Variants in PRKCB observed in about 807,000 individuals in gnomAD.
PRKCB encodes the protein protein kinase C beta, also known as protein kinase C beta type.
PRKCB carries 13 observed loss-of-function variants against 81.5 expected under a neutral mutation model. That is an observed-to-expected ratio of 0.16 (90% CI 0.10 to 0.25). PRKCB has a LOEUF of 0.25. Ranked by LOEUF, PRKCB falls within the 10% of genes least tolerant of loss-of-function variation. PRKCB has a pLI of 1.00. For synonymous variants in PRKCB, 335 were observed against 321.4 expected (o/e 1.04, Z -0.45); for missense variants, 509 against 875.7 (o/e 0.58, Z 5.29).
At chr16:24,069,942 C>T (rs1458041062) in intron 5 of PRKCB, among the ~76,000 whole-genome samples, 1 of 152,158 alleles carries the variant, frequency 6.6e-6, no homozygotes, top group East Asian at 1.9e-4. Flanking sequence ...TTCCTTCCTT[C>T]CTTCAGTGTG....
intron 2 of PRKCB, among the ~76,000 whole-genome samples, chr16:23,875,569 A>T (rs1325794250): frequency 1.5e-4 from 1 of 6,646 alleles, no homozygotes; most frequent in Non-Finnish European, 2.7e-4. Flanking sequence ...ACACATGTGT[A>T]TATCAAACAC....
chr16:23,904,814 C>A (rs1963531665), intron 2 of PRKCB, among the ~76,000 whole-genome samples: 1 of 152,104 alleles, frequency 6.6e-6, no homozygotes, highest in African/African-American at 2.4e-5. Flanking sequence ...ATAAAAGGCA[C>A]TTTTCCTCTT....
chr16:24,114,379 A>G (rs1388017507), intron 8 of PRKCB, among the ~76,000 whole-genome samples: 1 of 151,802 alleles, frequency 6.6e-6, no homozygotes, highest in African/African-American at 2.4e-5. Flanking sequence ...ATGATGCTAT[A>G]TAGTTAACGA....
chr16:23,952,154 C>CCTGCAGAGATGGGGTCTG (rs1165751998), intron 2 of PRKCB, among the ~76,000 whole-genome samples: 1 of 152,110 alleles, frequency 6.6e-6, no homozygotes, highest in Non-Finnish European at 1.5e-5. Flanking sequence ...TCCTGCCCTC[C>CCTGCAGAGATGGGGTCTG]CTGCAGAGAT....
At chr16:23,873,392 A>G (rs1962944778) in intron 2 of PRKCB, among the ~76,000 whole-genome samples, 1 of 151,664 alleles carries the variant, frequency 6.6e-6, no homozygotes, top group Admixed American at 6.6e-5. Flanking sequence ...AGAGAGAAAA[A>G]AGAAAAAAAG....
chr16:23,869,502 C>T (rs539581697), intron 2 of PRKCB, among the ~76,000 whole-genome samples: 14 of 152,202 alleles, frequency 9.2e-5, no homozygotes, highest in Non-Finnish European at 1.8e-4. Context: ...CAATCCTATC[C>T]ATGGTCTTTT....
chr16:24,175,706 T>C (rs1446056294), intron 12 of PRKCB, among the ~76,000 whole-genome samples: 5 of 151,824 alleles, frequency 3.3e-5, no homozygotes, highest in Non-Finnish European at 7.4e-5. Context: ...GCACAGTAGC[T>C]AGCACCTGTA....
At chr16:24,123,282 G>A (rs538921589) in intron 8 of PRKCB, among the ~76,000 whole-genome samples, 1 of 152,298 alleles carries the variant, frequency 6.6e-6, no homozygotes, top group African/African-American at 2.4e-5. Context: ...TGTGGTTGGA[G>A]GGGCCTGGGA....
chr16:24,164,916 C>T (rs1967319786), intron 10 of PRKCB, among the ~76,000 whole-genome samples: 1 of 152,156 alleles, frequency 6.6e-6, no homozygotes, highest in South Asian at 2.1e-4. Context: ...TTTAAGGGTG[C>T]TATGGAGGGG....
chr16:23,872,324 T>A (rs1290242479), intron 2 of PRKCB, among the ~76,000 whole-genome samples: 1 of 152,166 alleles, frequency 6.6e-6, no homozygotes, highest in Non-Finnish European at 1.5e-5. Flanking sequence ...TAAATGTCAG[T>A]CTGGGCAACA....
chr16:24,192,568 A>C (rs1045135434), intron 16 of PRKCB, among the ~76,000 whole-genome samples: 8 of 152,268 alleles, frequency 5.3e-5, no homozygotes, highest in Admixed American at 6.5e-5. Context: ...GAGATCTTGA[A>C]ATGTGGACCT....
At chr16:23,889,062 C>A (rs1300033831) in intron 2 of PRKCB, among the ~76,000 whole-genome samples, 1 of 152,012 alleles carries the variant, frequency 6.6e-6, no homozygotes, top group Admixed American at 6.6e-5. Flanking sequence ...ACCCACTTAC[C>A]CACCCATCTA....
chr16:24,163,626 G>C lies in PRKCB; in HGVS notation c.1240-8644G>C, dbSNP rs1160073864. Among the ~76,000 whole-genome samples the C allele has an allele frequency of 1.3e-5, 2 of 152,250 alleles. 1 individual carries two copies. The highest frequency in any genetic ancestry group is 3.8e-4 in the East Asian group (2 of 5,200). ...TGAAAACAAACAAACAAAAAAGCTAGAGGAGCATCAATTGCTTGATTCTAA... is the reference window on the plus strand; with the variant it reads ...TGAAAACAAACAAACAAAAAAGCTACAGGAGCATCAATTGCTTGATTCTAA... On this transcript the variant is annotated intron_variant, in intron 10 of 16. Transcript: ENST00000643927.
At chr16:24,037,689 T>C (rs1965641703) in intron 5 of PRKCB, among the ~76,000 whole-genome samples, 1 of 152,066 alleles carries the variant, frequency 6.6e-6, no homozygotes, top group Non-Finnish European at 1.5e-5. Context: ...CAGTACAATA[T>C]TTCTTCAAGT....
chr16:23,836,140 C>T lies in PRKCB; in HGVS notation c.-36C>T. On this transcript the variant is annotated 5_prime_UTR_variant, in exon 1 of 17. Transcript: ENST00000643927. ...AGCCCGCGGTCCCGCGGCCCCGGGG[C>T]CGGCACCTCTCGGGCTCCGGCTCCC... 2 of 1,375,956 alleles carry T rather than the reference C, an allele frequency of 1.5e-6. No individual in the cohort carries two copies. The highest frequency in any genetic ancestry group is 1.9e-6 in the Non-Finnish European group (2 of 1,062,270). The allele number at this position is 1,375,956 out of a possible 1,614,324, so 85.2% of individuals were successfully genotyped here.
intron 3 of PRKCB, among the ~76,000 whole-genome samples, chr16:23,994,048 T>C (rs577728001): frequency 1.3e-4 from 20 of 152,236 alleles, no homozygotes; most frequent in Admixed American, 2.6e-4. Context: ...GCGATTATAC[T>C]GCTAAAAGTT....
chr16:24,195,743 C>G (rs1045742443), intron 16 of PRKCB, among the ~76,000 whole-genome samples: 2 of 152,134 alleles, frequency 1.3e-5, no homozygotes, highest in Non-Finnish European at 2.9e-5. Flanking sequence ...CCAAATGGCT[C>G]TCTGTTGCCC....
chr16:24,154,998 C>T (rs1967135691), intron 10 of PRKCB, 141 bp downstream of exon 10: 1 of 1,023,610 alleles, frequency 9.8e-7, no homozygotes, highest in African/African-American at 1.6e-5. Context: ...CCAGGGAAGT[C>T]AGCTGAGAGT....
At chr16:24,076,297 G>GAT (rs1219325790) in intron 5 of PRKCB, among the ~76,000 whole-genome samples, 2 of 152,220 alleles carry the variant, frequency 1.3e-5, no homozygotes, top group Non-Finnish European at 2.9e-5. Context: ...GTTGTTGGCA[G>GAT]ATGTACAGGA....
Sources: gnomAD v4.1 joint callset for allele counts (sites outside exome capture counted in the v4.1 genomes callset) on GRCh38, gnomAD v4.1.1 for gene constraint, MANE v1.5 for transcripts, NCBI Gene and HGNC (gene_info 2026-07-23, HGNC 2026-07-21) for gene names.